The following ETV7 variants were observed in gnomAD, a reference collection of about 807,000 sequenced individuals.
ETV7 encodes the protein ETS variant transcription factor 7.
In ETV7, 43 loss-of-function variants were observed where a neutral mutation model predicts 39.1. The ratio of observed to expected loss-of-function variants is 1.10; its 90% CI spans 0.86 to 1.42. The LOEUF (loss-of-function observed/expected upper bound fraction) is 1.42, where lower values mean the gene tolerates loss of function less well. Among genes scored for constraint, ETV7 ranks in the 40% most tolerant of loss-of-function variants. The probability of loss-of-function intolerance (pLI) is 0.00; values close to 1 mark genes in which losing one functional copy is unlikely to be tolerated. For synonymous variants in ETV7, 196 were observed against 176.6 expected (o/e 1.11, Z -0.87); for missense variants, 432 against 442.3 (o/e 0.98, Z 0.21).
chr6:36,380,422 T>C (rs1773594952), intron 2 of ETV7, among the ~76,000 whole-genome samples: 1 of 152,228 alleles, frequency 6.6e-6, no homozygotes, highest in Admixed American at 6.5e-5. Flanking sequence ...TAACTGAGGA[T>C]TTCCAGCTTG....
intron 4 of ETV7, among the ~76,000 whole-genome samples, chr6:36,372,446 A>G (rs1773079007): frequency 6.6e-6 from 1 of 151,982 alleles, no homozygotes; most frequent in Admixed American, 6.6e-5. Context: ...CTGACTTCTG[A>G]AACTCTCTGT....
intron 3 of ETV7, among the ~76,000 whole-genome samples, chr6:36,375,043 T>G (rs1252534372): frequency 7.3e-6 from 1 of 136,794 alleles, no homozygotes; most frequent in Non-Finnish European, 1.5e-5. Flanking sequence ...CACTCCAGCC[T>G]GGGCGACAAA....
chr6:36,374,286 G>A (rs1773192585), intron 3 of ETV7, among the ~76,000 whole-genome samples: 1 of 152,102 alleles, frequency 6.6e-6, no homozygotes, highest in Non-Finnish European at 1.5e-5. Context: ...GAACCCAGGA[G>A]GTTGAGGCAC....
chr6:36,377,392 G>A (rs7763634), intron 2 of ETV7, among the ~76,000 whole-genome samples: 42 of 152,166 alleles, frequency 2.8e-4, no homozygotes, highest in African/African-American at 7.0e-4. Context: ...GCTTGAGCCC[G>A]GGAGGTCACA....
At chr6:36,354,378 C>T in exon 8 of ETV7, 1 of 274,840 alleles carries the variant, frequency 3.6e-6, no homozygotes, top group Non-Finnish European at 6.8e-6. Flanking sequence ...AGGAGTTTTA[C>T]AGTTTTAGCT....
At chr6:36,367,913 T>C (rs1454414687) in intron 6 of ETV7, among the ~76,000 whole-genome samples, 6 of 152,168 alleles carry the variant, frequency 3.9e-5, no homozygotes, top group Non-Finnish European at 8.8e-5. Flanking sequence ...TGAAAGCAGT[T>C]AGCACAGTGT....
intron 3 of ETV7, 168 bp downstream of exon 3, chr6:36,375,703 G>T: frequency 9.1e-7 from 1 of 1,097,590 alleles, no homozygotes; most frequent in Non-Finnish European, 1.3e-6. Flanking sequence ...CTCTAGCTAG[G>T]AACCACCAGA....
chr6:36,375,820 C>G (rs769322774), intron 3 of ETV7, 51 bp downstream of exon 3: 2 of 1,612,090 alleles, frequency 1.2e-6, no homozygotes, highest in South Asian at 1.1e-5. Context: ...CTTGGGCCAT[C>G]CTGGCCTACC....
downstream of ETV7, among the ~76,000 whole-genome samples, chr6:36,364,416 C>T (rs1012012384): frequency 6.6e-6 from 1 of 152,234 alleles, no homozygotes; most frequent in Non-Finnish European, 1.5e-5. Flanking sequence ...TCGAGCGCAG[C>T]GCCGGTGGGC....
At chr6:36,374,753 C>T (rs1356769056) in intron 3 of ETV7, among the ~76,000 whole-genome samples, 1 of 152,170 alleles carries the variant, frequency 6.6e-6, no homozygotes, top group Non-Finnish European at 1.5e-5. Flanking sequence ...ACAGGAGGCT[C>T]ACAGTGGGAA....
intron 3 of ETV7, among the ~76,000 whole-genome samples, chr6:36,375,651 C>T (rs1048389575): frequency 4.6e-5 from 7 of 152,182 alleles, no homozygotes; most frequent in Non-Finnish European, 8.8e-5. Context: ...CCCTACAGCT[C>T]TGAAAACAAG....
In ETV7 at chr6:36,375,967, A is replaced by G. The variant is rs144562337; in HGVS notation, c.211T>C (p.Ser71Pro). ...CCGTGCTCCGCGGTGCATGGCAGAG[A>G]GTACTCCTGCTCTGCCCAGCGCAGC... ...HWLRWAEQEYSLPCTAEHGFE... is the reference protein window; with the variant it reads ...HWLRWAEQEYPLPCTAEHGFE... Residue 71 changes from serine (S) to proline (P), a missense_variant, in exon 3 of 8, where the codon TCT becomes CCT. Physicochemically the swap from Ser to Pro is moderately conservative, Grantham distance 74 (BLOSUM62 -1). Coordinates refer to ENST00000340181, the MANE Select transcript of ETV7 (RefSeq NM_016135.4). 3.7e-6 allele frequency: 6 copies of G among 1,612,988 alleles called. No individual in the cohort carries two copies. The African/African-American group carries it at 4.0e-5, about 11-fold the overall frequency.
chr6:36,366,961 C>T lies in ETV7; in HGVS notation c.822G>A (p.Met274Ile). 2 of 1,614,036 alleles carry T rather than the reference C, an allele frequency of 1.2e-6. No homozygotes were observed. The highest frequency in any genetic ancestry group is 1.7e-6 in the Non-Finnish European group (2 of 1,179,992). ...GGGCACGAGACATCTTCTCGTAGGT[C>T]ATGTTCACCCGGTTCTGGAAAGCAA... Reference protein sequence around the residue: ...LWGNHKNRVNMTYEKMSRALR... With the variant: ...LWGNHKNRVNITYEKMSRALR... The change falls in exon 7 of 8, where the codon ATG (methionine) becomes ATA (isoleucine). Residue 274 changes from methionine (M) to isoleucine (I), a missense_variant. Transcript: ENST00000340181.
In ETV7 at chr6:36,379,736, C is replaced by T. The variant is rs144313688; in HGVS notation, c.143-3701G>A. The stretch of plus-strand genomic sequence containing the variant: ...ACTAAAAATAAAAAAATTAGCCAGG[C>T]ACAGTGGCACGTGCCTGTAATCCCA... On this transcript the variant is annotated intron_variant, in intron 2 of 7. Transcript: ENST00000340181. Among the ~76,000 whole-genome samples the T allele has an allele frequency of 7.9e-5, 12 of 151,738 alleles. No homozygotes were observed. In the East Asian group the frequency reaches 1.8e-3, roughly 22 times the overall value.
At position 36,373,484 on chromosome 6, in the gene ETV7, C is replaced by A. The variant is rs770368469; in HGVS notation, c.402G>T (p.Thr134=). The A allele has an allele frequency of 5.1e-6, 8 of 1,580,564 alleles. No homozygotes were observed. In the South Asian group the frequency reaches 5.8e-5, roughly 12 times the overall value. The part of the protein sequence containing the change: ...PFFGGIFRLK[T]PTQHSPVPPE... ...GGGGGACTGGAGAGTGCTGGGTGGG[C>A]GTCTTCAGCCTGAAGATCCCTCCAA... Residue 134 remains threonine (T), a synonymous_variant, in exon 4 of 8, where the codon ACG becomes ACT. Transcript: ENST00000340181.
Position 36,366,401 on chromosome 6 carries a change from A to T in ETV7, c.*244T>A, listed in dbSNP as rs1416462121. The T allele has an allele frequency of 1.5e-6, 2 of 1,339,326 alleles. No individual in the cohort carries two copies. Among genetic ancestry groups the T allele is most frequent in the African/African-American group, 2.9e-5 (2 of 68,068 alleles). 83.0% of individuals were successfully genotyped at this position (1,339,326 alleles called of 1,614,324 possible). A position where few individuals can be genotyped will look rare whatever the true frequency, so the allele number is the denominator to read the frequency against. On this transcript the variant is annotated 3_prime_UTR_variant, in exon 8 of 8. Coordinates refer to ENST00000340181, the MANE Select transcript of ETV7 (RefSeq NM_016135.4). ...GCCTGGCTTCCTCTCCCAGGGGTGC[A>T]GTAGGGGAGAGTCCATTCCCCTGTA...
intron 1 of ETV7, among the ~76,000 whole-genome samples, chr6:36,387,280 G>A (rs1211079377): frequency 6.6e-6 from 1 of 152,242 alleles, no homozygotes; most frequent in Non-Finnish European, 1.5e-5. Flanking sequence ...GCTGCGGAAA[G>A]GGCCCGCAGG....
At chr6:36,376,628 T>C (rs528024108) in intron 2 of ETV7, among the ~76,000 whole-genome samples, 54 of 152,096 alleles carry the variant, frequency 3.6e-4, no homozygotes, top group Middle Eastern at 3.4e-3. Context: ...ATACAAAAAT[T>C]AGCTGGGCAT....
rs775987267 is a variant in ETV7, at chr6:36,371,455, G to T, written c.539C>A (p.Ala180Glu). The T allele has an allele frequency of 1.2e-6, 2 of 1,602,204 alleles. No individual in the cohort carries two copies. The highest frequency in any genetic ancestry group is 1.7e-6 in the Non-Finnish European group (2 of 1,174,104). ...NFGHLDDPGL[A>E]RWTPGKEESL... Reference sequence around the variant, plus strand: ...CTCCTCCTTGCCAGGGGTCCACCTTGCCAGGCCAGGGTCATCCAGGTGGCC... The same window carrying T: ...CTCCTCCTTGCCAGGGGTCCACCTTTCCAGGCCAGGGTCATCCAGGTGGCC... The change falls in exon 5 of 8, where the codon GCA (alanine) becomes GAA (glutamate). Residue 180 changes from alanine to glutamate, a missense_variant. Coordinates refer to ENST00000340181, the MANE Select transcript of ETV7 (RefSeq NM_016135.4).
Sources: allele counts gnomAD v4.1 joint callset (sites outside exome capture counted in the v4.1 genomes callset), GRCh38; gene constraint gnomAD v4.1.1; transcripts MANE v1.5; gene names NCBI Gene and HGNC (gene_info 2026-07-23, HGNC 2026-07-21).